The following LIMK2 variants were observed in gnomAD, a reference collection of about 807,000 sequenced individuals.
LIMK2 encodes LIM domain kinase 2.
LIMK2 carries 35 observed loss-of-function variants against 75.7 expected under a neutral mutation model. That is an observed-to-expected ratio of 0.46 (90% confidence interval 0.35 to 0.61). The LOEUF (loss-of-function observed/expected upper bound fraction) is 0.61, where lower values mean the gene tolerates loss of function less well. Among genes scored for constraint, LIMK2 ranks in the 20% least tolerant of loss-of-function variants. LIMK2 has a pLI of 0.00. For synonymous variants in LIMK2, 301 were observed against 319.2 expected, an observed-to-expected ratio of 0.94 and a Z score of 0.61; for missense variants, 623 against 831.0, an observed-to-expected ratio of 0.75 and a Z score of 3.08.
intron 15 of LIMK2, chr22:31,277,048 G>T (rs1311599778): frequency 6.2e-7 from 1 of 1,613,962 alleles, no homozygotes; most frequent in Non-Finnish European, 8.5e-7. Flanking sequence ...GGAGCTGCTG[G>T]TTGACTGTTA....
chr22:31,218,999 G>C (rs1308913558), intron 1 of LIMK2, among the ~76,000 whole-genome samples: 1 of 152,224 alleles, frequency 6.6e-6, no homozygotes, highest in Non-Finnish European at 1.5e-5. Context: ...CAGAAACCAA[G>C]CTCTTAGACC....
chr22:31,243,353 G>A (rs895532386), intron 2 of LIMK2, among the ~76,000 whole-genome samples: 9 of 152,138 alleles, frequency 5.9e-5, no homozygotes, highest in Admixed American at 4.6e-4. Flanking sequence ...TGGAGGCTTC[G>A]GAGTCCTCAA....
intron 1 of LIMK2, among the ~76,000 whole-genome samples, chr22:31,224,438 A>C (rs1273248558): frequency 6.6e-6 from 1 of 152,186 alleles, no homozygotes; most frequent in African/African-American, 2.4e-5. Flanking sequence ...GTAGAATGGA[A>C]AGAGCAGAAG....
chr22:31,272,489 AAC>A, intron 12 of LIMK2, 39 bp from the exon 13 acceptor site: 16 of 1,562,074 alleles, frequency 1.0e-5, no homozygotes, highest in Non-Finnish European at 1.3e-5. Flanking sequence ...CAGGTTTGAG[AAC>A]ATCCCCATGA....
intron 7 of LIMK2, among the ~76,000 whole-genome samples, chr22:31,264,752 A>G (rs1436163912): frequency 2.7e-5 from 4 of 150,776 alleles, no homozygotes; most frequent in Non-Finnish European, 4.4e-5. Flanking sequence ...GTGAAACCCT[A>G]TCTCTACTAA....
intron 14 of LIMK2, 89 bp downstream of exon 14, chr22:31,273,596 A>C: frequency 3.1e-6 from 3 of 981,240 alleles, no homozygotes; most frequent in Non-Finnish European, 4.9e-6. Flanking sequence ...CCTAGGGATG[A>C]CTAGCTTGAC....
intron 2 of LIMK2, chr22:31,248,562 G>T (rs767867465): frequency 1.2e-6 from 2 of 1,600,544 alleles, no homozygotes; most frequent in Non-Finnish European, 1.7e-6. Flanking sequence ...TCAGGCTCCC[G>T]CAGCTGCTCC....
intron 1 of LIMK2, among the ~76,000 whole-genome samples, chr22:31,225,348 A>G (rs1312382215): frequency 2.0e-5 from 3 of 152,240 alleles, no homozygotes; most frequent in South Asian, 4.1e-4. Flanking sequence ...GGGAATAGTC[A>G]TAGGAAGGGC....
At chr22:31,218,778 A>G (rs556560889) in intron 1 of LIMK2, among the ~76,000 whole-genome samples, 1 of 152,256 alleles carries the variant, frequency 6.6e-6, no homozygotes, top group African/African-American at 2.4e-5. Flanking sequence ...CCAGTTCCCA[A>G]GGGGCCCAGG....
At chr22:31,260,275 G>A (rs770216045) in intron 5 of LIMK2, among the ~76,000 whole-genome samples, 198 bp downstream of exon 5, 68 of 152,156 alleles carry the variant, frequency 4.5e-4, no homozygotes, top group Non-Finnish European at 6.9e-4. Flanking sequence ...CTTCCTACCC[G>A]ATACTTAAGG....
rs1463965596 is a variant in LIMK2 at position 31,279,252 on chromosome 22, C to T, written c.*811C>T. On this transcript the variant is annotated 3_prime_UTR_variant, in exon 16 of 16. Transcript: ENST00000331728. ...GCCCTGCCCTCTAGAAAGCTCAGATCTTGGCTTCTGTTACTCATACTCGGG... is the reference window on the plus strand; with the variant it reads ...GCCCTGCCCTCTAGAAAGCTCAGATTTTGGCTTCTGTTACTCATACTCGGG... 1 of 152,276 alleles carries T rather than the reference C, an allele frequency of 6.6e-6. No homozygotes were observed. The highest frequency in any genetic ancestry group is 1.5e-5 in the Non-Finnish European group (1 of 68,082). 9.4% of individuals were successfully genotyped at this position (152,276 alleles called of 1,614,324 possible). A position where few individuals can be genotyped will look rare whatever the true frequency, so the allele number is the denominator to read the frequency against.
chr22:31,261,636 T>C (rs1438826213), intron 5 of LIMK2, among the ~76,000 whole-genome samples: 2 of 150,522 alleles, frequency 1.3e-5, no homozygotes, highest in Non-Finnish European at 3.0e-5. Flanking sequence ...GGTATGGTGG[T>C]GCGCGCCTGT....
chr22:31,254,636 C>T (rs1601426384), intron 2 of LIMK2, among the ~76,000 whole-genome samples: 1 of 152,174 alleles, frequency 6.6e-6, no homozygotes, highest in African/African-American at 2.4e-5. Context: ...CTCTGTTGGG[C>T]ACCCCATAGT....
At chr22:31,246,215 A>ACACACACACACACACACG (rs1491353906) in intron 2 of LIMK2, among the ~76,000 whole-genome samples, 1 of 143,652 alleles carries the variant, frequency 7.0e-6, no homozygotes, top group Non-Finnish European at 1.5e-5. Context: ...ACACACACAC[A>ACACACACACACACACACG]CGCTGGGTAT....
At chr22:31,221,531 C>T (rs1250867403) in intron 1 of LIMK2, among the ~76,000 whole-genome samples, 1 of 152,106 alleles carries the variant, frequency 6.6e-6, no homozygotes, top group African/African-American at 2.4e-5. Flanking sequence ...GTCGCCCAAG[C>T]TGGAATGCAG....
intron 1 of LIMK2, among the ~76,000 whole-genome samples, chr22:31,222,442 C>T (rs1327055821): frequency 8.6e-6 from 1 of 116,404 alleles, no homozygotes; most frequent in Non-Finnish European, 1.6e-5. Context: ...AGTGCAGTGG[C>T]GAGATTACTG....
At chr22:31,247,279 G>A (rs2048679762) in intron 2 of LIMK2, among the ~76,000 whole-genome samples, 1 of 152,162 alleles carries the variant, frequency 6.6e-6, no homozygotes, top group African/African-American at 2.4e-5. Flanking sequence ...GGGAGACAAG[G>A]GCTTTCTACA....
intron 11 of LIMK2, among the ~76,000 whole-genome samples, chr22:31,270,245 G>C (rs2048942128): frequency 1.3e-5 from 2 of 152,182 alleles, no homozygotes; most frequent in Non-Finnish European, 2.9e-5. Context: ...GGGTGTCTCA[G>C]CTTGTGAAGA....
At chr22:31,256,201 G>A (rs1239297957) in intron 2 of LIMK2, among the ~76,000 whole-genome samples, 2 of 148,792 alleles carry the variant, frequency 1.3e-5, no homozygotes, top group Non-Finnish European at 1.5e-5. Flanking sequence ...GTTTCACCAT[G>A]TTGGCCAGGC....
Sources: gnomAD v4.1 joint callset for allele counts (sites outside exome capture counted in the v4.1 genomes callset) on GRCh38, gnomAD v4.1.1 for gene constraint, MANE v1.5 for transcripts, NCBI Gene and HGNC (gene_info 2026-07-23, HGNC 2026-07-21) for gene names.